Variants in CFAP54 observed in about 807,000 individuals in gnomAD.
CFAP54 encodes the protein cilia and flagella associated protein 54.
Under a neutral mutation model 370.4 loss-of-function variants are expected in CFAP54, and 290 were observed. The ratio of observed to expected loss-of-function variants is 0.78; its 90% CI spans 0.71 to 0.86. The LOEUF is 0.86. Among genes scored for constraint, CFAP54 ranks in the 40% least tolerant of loss-of-function variants. CFAP54 has a pLI of 0.00. For synonymous variants in CFAP54, 1,206 were observed against 1,236.5 expected (o/e 0.98, Z 0.52); for missense variants, 3,399 against 3,528.7 (o/e 0.96, Z 0.93).
At position 96,489,626 on chromosome 12, in the gene CFAP54, C is replaced by T. The variant is rs1018784141; in HGVS notation, c.17C>T (p.Ser6Phe). 3.9e-6 allele frequency: 6 copies of T among 1,522,688 alleles called. No homozygotes were observed. The highest frequency in any genetic ancestry group is 1.4e-5 in the African/African-American group (1 of 72,694). The allele number at this position is 1,522,688 out of a possible 1,614,324, so 94.3% of individuals were successfully genotyped here. The change falls in exon 1 of 68, where the codon TCC becomes TTC. Residue 6 changes from serine to phenylalanine, a missense_variant. Around this residue, in one of 3 missense-constraint regions of CFAP54, gnomAD observed 559 missense variants for 576.7 expected, o/e 0.97. Transcript: ENST00000524981. MAAQG[S>F]PSSSPSDDST... ...CGCGTCAATATGGCGGCGCAGGGCT[C>T]CCCCTCGAGCTCTCCGTCAGACGAC...
rs552358409 is a variant in CFAP54 at position 96,626,654 on chromosome 12, C to T, written c.3977-159C>T. Among the ~76,000 whole-genome samples the T allele has an allele frequency of 2.6e-5, 4 of 152,218 alleles. No individual in the cohort carries two copies. In the East Asian group the frequency reaches 7.7e-4, roughly 29 times the overall value. ...TTGATATTAGAAAAACAATAGTTCACACCACATTTATTCCTATATACTTTT... is the reference window on the plus strand; with the variant it reads ...TTGATATTAGAAAAACAATAGTTCATACCACATTTATTCCTATATACTTTT... On this transcript the variant is annotated intron_variant, in intron 29 of 67. Transcript: ENST00000524981.
intron 63 of CFAP54, among the ~76,000 whole-genome samples, chr12:96,805,581 A>C (rs1258505070): frequency 6.6e-6 from 1 of 151,872 alleles, no homozygotes; most frequent in African/African-American, 2.4e-5. Context: ...TCAAAAAAAA[A>C]AAAACCAGAT....
intron 64 of CFAP54, among the ~76,000 whole-genome samples, chr12:96,817,201 T>C (rs935053727): frequency 3.3e-5 from 5 of 152,214 alleles, no homozygotes; most frequent in African/African-American, 2.4e-5. Flanking sequence ...ATATTTTAGA[T>C]GTGTGCCTTT....
intron 65 of CFAP54, among the ~76,000 whole-genome samples, chr12:96,827,154 A>ATTATATGTGATTATATATAATGTGCAG (rs1959127352): frequency 3.8e-5 from 1 of 26,468 alleles, no homozygotes; most frequent in Non-Finnish European, 6.4e-5. Context: ...ATAATGTGCA[A>ATTATATGTGATTATATATAATGTGCAG]TTATATGTGA....
chr12:96,609,547 T>C (rs1007092901), intron 26 of CFAP54, among the ~76,000 whole-genome samples: 3 of 152,096 alleles, frequency 2.0e-5, no homozygotes, highest in African/African-American at 7.2e-5. Flanking sequence ...TGCTGACTCC[T>C]AACAGTGAGA....
intron 55 of CFAP54, among the ~76,000 whole-genome samples, chr12:96,744,489 G>GA (rs566207428): frequency 1.3e-5 from 2 of 151,872 alleles, no homozygotes; most frequent in South Asian, 2.1e-4. Context: ...TAACTTTACT[G>GA]AAAAAAATCC....
chr12:96,636,459 A>G (rs1217875710), intron 32 of CFAP54, among the ~76,000 whole-genome samples: 2 of 152,118 alleles, frequency 1.3e-5, no homozygotes, highest in Non-Finnish European at 2.9e-5. Flanking sequence ...TGCTATATCT[A>G]TAGTTACATC....
At chr12:96,825,188 C>G (rs2136747389) in intron 65 of CFAP54, among the ~76,000 whole-genome samples, 1 of 141,844 alleles carries the variant, frequency 7.1e-6, no homozygotes, top group African/African-American at 2.6e-5. Context: ...CATCTAGGAT[C>G]CTAGATATTA....
intron 32 of CFAP54, among the ~76,000 whole-genome samples, chr12:96,638,919 G>T (rs568417927): frequency 6.6e-6 from 1 of 152,268 alleles, no homozygotes; most frequent in Admixed American, 6.5e-5. Context: ...TGGTATTTGT[G>T]TCTCTATTTC....
At chr12:96,831,194 A>C (rs1303354056) in intron 66 of CFAP54, among the ~76,000 whole-genome samples, 5 of 152,220 alleles carry the variant, frequency 3.3e-5, no homozygotes, top group African/African-American at 7.2e-5. Context: ...CTTTCTGTGC[A>C]CTGAAGAGCT....
At chr12:96,834,908 A>C (rs1959181335) in intron 66 of CFAP54, among the ~76,000 whole-genome samples, 1 of 152,178 alleles carries the variant, frequency 6.6e-6, no homozygotes, top group Non-Finnish European at 1.5e-5. Context: ...GCAATAGAAC[A>C]GCTCACAGGA....
chr12:96,805,441 A>G (rs1360794944), intron 63 of CFAP54, among the ~76,000 whole-genome samples: 1 of 152,124 alleles, frequency 6.6e-6, no homozygotes, highest in East Asian at 1.9e-4. Flanking sequence ...ATATTTTTCA[A>G]GAGAAAATAT....
chr12:96,855,548 C>A (rs904936361), intron 66 of CFAP54, among the ~76,000 whole-genome samples: 2 of 152,240 alleles, frequency 1.3e-5, no homozygotes, highest in African/African-American at 4.8e-5. Context: ...AAAGGGGCTA[C>A]AGGCCCCATG....
intron 50 of CFAP54, among the ~76,000 whole-genome samples, chr12:96,732,741 C>T (rs1401995184): frequency 6.6e-6 from 1 of 152,090 alleles, no homozygotes; most frequent in Non-Finnish European, 1.5e-5. Flanking sequence ...ATATGTATAG[C>T]TATCTTTAAG....
At chr12:96,597,607 A>T (rs117912271) in intron 25 of CFAP54, among the ~76,000 whole-genome samples, 3 of 151,880 alleles carry the variant, frequency 2.0e-5, no homozygotes, top group Non-Finnish European at 4.4e-5. Context: ...AAATAATATT[A>T]TGCAGCCATT....
At chr12:96,770,240 T>C (rs1958448218) in intron 60 of CFAP54, among the ~76,000 whole-genome samples, 1 of 150,576 alleles carries the variant, frequency 6.6e-6, no homozygotes. Flanking sequence ...TGCATCCGAG[T>C]ATTAGAGATG....
At chr12:96,703,340 G>T (rs1242102742) in intron 46 of CFAP54, among the ~76,000 whole-genome samples, 23 of 152,134 alleles carry the variant, frequency 1.5e-4, no homozygotes, top group Admixed American at 1.5e-3. Flanking sequence ...TTCTTCTTTG[G>T]TAAGGTTTAT....
intron 19 of CFAP54, among the ~76,000 whole-genome samples, chr12:96,567,109 A>G (rs549088833): frequency 6.6e-6 from 1 of 152,314 alleles, no homozygotes; most frequent in Admixed American, 6.5e-5. Context: ...TTGAATACTG[A>G]AAGAGCCAGA....
intron 55 of CFAP54, among the ~76,000 whole-genome samples, chr12:96,748,342 T>C (rs949488377): frequency 6.6e-6 from 1 of 152,190 alleles, no homozygotes; most frequent in Non-Finnish European, 1.5e-5. Context: ...TTAAACTAGT[T>C]CTTTCCTTTT....
Sources: allele counts gnomAD v4.1 joint callset (sites outside exome capture counted in the v4.1 genomes callset), GRCh38; gene constraint gnomAD v4.1.1; regional missense constraint gnomAD v4.1.1; transcripts MANE v1.5; gene names NCBI Gene and HGNC (gene_info 2026-07-23, HGNC 2026-07-21).